LARGE1: variants seen among roughly 807,000 people sequenced by gnomAD.
The protein encoded by LARGE1 is LARGE xylosyl- and glucuronyltransferase 1, also known as xylosyl- and glucuronyltransferase LARGE1.
LARGE1 carries 43 observed loss-of-function variants against 87.6 expected under a neutral mutation model. The ratio of observed to expected loss-of-function variants is 0.49; its 90% confidence interval spans 0.38 to 0.63. The LOEUF (loss-of-function observed/expected upper bound fraction) is 0.63. Ranked by LOEUF, LARGE1 falls within the 30% of genes least tolerant of loss-of-function variation. The pLI is 0.00. For missense variants in LARGE1, 802 were observed against 1,000.2 expected, an observed-to-expected ratio of 0.80 and a Z score of 2.67; for synonymous variants, 434 against 394.6, an observed-to-expected ratio of 1.10 and a Z score of -1.18.
At chr22:33,771,726 T>C (rs1029602867) in intron 1 of LARGE1, among the ~76,000 whole-genome samples, 8 of 152,118 alleles carry the variant, frequency 5.3e-5, no homozygotes, top group African/African-American at 1.9e-4. Context: ...CTTCTTCCTA[T>C]ATACCCACTG....
chr22:33,550,176 CATATAT>C (rs56762247), intron 6 of LARGE1, among the ~76,000 whole-genome samples: 6 of 120,492 alleles, frequency 5.0e-5, no homozygotes, highest in African/African-American at 1.8e-4. Context: ...CACACACACA[CATATAT>C]ATATATGTAT....
intron 6 of LARGE1, among the ~76,000 whole-genome samples, chr22:33,491,035 T>A (rs1283128104): frequency 1.3e-5 from 2 of 152,150 alleles, no homozygotes; most frequent in African/African-American, 4.8e-5. Flanking sequence ...TCCCCTTCAA[T>A]TGCTGTGAGA....
At chr22:33,620,311 C>T (rs1165006296) in intron 4 of LARGE1, among the ~76,000 whole-genome samples, 3 of 152,312 alleles carry the variant, frequency 2.0e-5, no homozygotes, top group Admixed American at 2.0e-4. Context: ...GATCCACTTT[C>T]CTGCCCAGGA....
intron 11 of LARGE1, among the ~76,000 whole-genome samples, chr22:33,252,251 T>TCCCC (rs34458283): frequency 4.5e-4 from 50 of 111,564 alleles, no homozygotes; most frequent in East Asian, 5.8e-4. Flanking sequence ...ATTCCTTCAT[T>TCCCC]CCCCCCCCCC....
At chr22:33,514,200 C>A (rs780776054) in intron 6 of LARGE1, among the ~76,000 whole-genome samples, 5 of 151,966 alleles carry the variant, frequency 3.3e-5, no homozygotes, top group South Asian at 2.1e-4. Flanking sequence ...TTATGTGAAC[C>A]AGTCCCCTGT....
chr22:33,616,891 T>G (rs951191411), intron 4 of LARGE1, among the ~76,000 whole-genome samples: 11 of 152,242 alleles, frequency 7.2e-5, no homozygotes, highest in African/African-American at 2.7e-4. Flanking sequence ...ATACTGAGGA[T>G]AGTTGCACAA....
the LARGE1 span, among the ~76,000 whole-genome samples, chr22:33,070,842 T>C: frequency 1.3e-5 from 2 of 152,136 alleles, no homozygotes; most frequent in Non-Finnish European, 2.9e-5. Context: ...GTGAACAGCA[T>C]GAGCAAAGGC....
chr22:33,625,728 C>T (rs1037824996), intron 4 of LARGE1, among the ~76,000 whole-genome samples: 2 of 152,206 alleles, frequency 1.3e-5, no homozygotes, highest in Non-Finnish European at 2.9e-5. Flanking sequence ...GTGTTTGGCA[C>T]ATGTCTGTAT....
intron 6 of LARGE1, among the ~76,000 whole-genome samples, chr22:33,530,440 T>C (rs945952733): frequency 6.7e-6 from 1 of 148,746 alleles, no homozygotes. Context: ...CCATTGCCTA[T>C]TGGAAAGACT....
the LARGE1 span, among the ~76,000 whole-genome samples, chr22:33,115,982 C>A: frequency 6.6e-6 from 1 of 152,192 alleles, no homozygotes; most frequent in South Asian, 2.1e-4. Context: ...GAACTGTGAG[C>A]GAACAAACTT....
rs565231497 is a variant in LARGE1 at position 33,894,504 on chromosome 22, C to T, written c.-83+25491G>A. ...CTTTAGCTGTGTCCCCTACCCGACA[C>T]TGTCCCACTGCTGTCCATCAGAATG... On this transcript the variant is annotated intron_variant, in intron 1 of 14. Transcript: ENST00000397394. Among the ~76,000 whole-genome samples, 5 of 152,332 alleles carry T rather than the reference C, an allele frequency of 3.3e-5. No homozygotes were observed. In the East Asian group the frequency reaches 9.7e-4, roughly 29 times the overall value.
intron 6 of LARGE1, among the ~76,000 whole-genome samples, chr22:33,528,506 A>C (rs2072027306): frequency 6.6e-6 from 1 of 152,184 alleles, no homozygotes; most frequent in African/African-American, 2.4e-5. Flanking sequence ...AGCATTATCC[A>C]AGGGTGGAGG....
At chr22:33,498,705 C>T (rs929954720) in intron 6 of LARGE1, among the ~76,000 whole-genome samples, 2 of 152,224 alleles carry the variant, frequency 1.3e-5, no homozygotes, top group Non-Finnish European at 2.9e-5. Flanking sequence ...GGCGCGGGGG[C>T]TCACACCTGT....
chr22:33,567,510 T>C (rs184234573), intron 5 of LARGE1, among the ~76,000 whole-genome samples: 1 of 152,328 alleles, frequency 6.6e-6, no homozygotes, highest in African/African-American at 2.4e-5. Flanking sequence ...TGCCTGGATT[T>C]AGATTCTAGT....
chr22:33,324,887 CA>C (rs1316878719), intron 10 of LARGE1, among the ~76,000 whole-genome samples: 2 of 150,962 alleles, frequency 1.3e-5, no homozygotes, highest in African/African-American at 4.9e-5. Flanking sequence ...AAGTGACGCT[CA>C]AGGATCACGC....
chr22:33,527,040 T>C (rs1321764253), intron 6 of LARGE1, among the ~76,000 whole-genome samples: 1 of 152,174 alleles, frequency 6.6e-6, no homozygotes, highest in East Asian at 1.9e-4. Context: ...GTGGATCACC[T>C]GAGGTCAGGA....
intron 2 of LARGE1, among the ~76,000 whole-genome samples, chr22:33,758,722 A>T (rs967763674): frequency 2.1e-4 from 32 of 152,140 alleles, no homozygotes; most frequent in African/African-American, 7.5e-4. Flanking sequence ...AACACATCTA[A>T]CCATAAACAC....
At chr22:33,197,537 GC>G (rs1308141697) in intron 11 of LARGE1, among the ~76,000 whole-genome samples, 1 of 151,888 alleles carries the variant, frequency 6.6e-6, no homozygotes, top group Non-Finnish European at 1.5e-5. Flanking sequence ...ATTTATACTA[GC>G]ACCAAAAACA....
At chr22:33,231,895 T>C (rs1926023543) in intron 11 of LARGE1, among the ~76,000 whole-genome samples, 1 of 152,218 alleles carries the variant, frequency 6.6e-6, no homozygotes, top group Non-Finnish European at 1.5e-5. Flanking sequence ...GCTGTTGTGC[T>C]CTCCTCTCTA....
Sources: allele counts gnomAD v4.1 joint callset (sites outside exome capture counted in the v4.1 genomes callset), GRCh38; gene constraint gnomAD v4.1.1; transcripts MANE v1.5; gene names NCBI Gene and HGNC (gene_info 2026-07-23, HGNC 2026-07-21).